Variants in DNAJC2 observed in about 807,000 individuals in gnomAD.
The protein encoded by DNAJC2 is dnaJ homolog subfamily C member 2.
A neutral mutation model predicts 94.0 loss-of-function variants in DNAJC2; 32 were observed. The ratio of observed to expected loss-of-function variants is 0.34; its 90% CI spans 0.26 to 0.46. The LOEUF (loss-of-function observed/expected upper bound fraction) is 0.46. Among genes scored for constraint, DNAJC2 ranks in the 20% least tolerant of loss-of-function variants. The pLI, the probability that DNAJC2 is intolerant of heterozygous loss-of-function variation, is 1.00. For missense variants in DNAJC2, 550 were observed against 719.5 expected (o/e 0.76, Z 2.69); for synonymous variants, 210 against 229.7 (o/e 0.91, Z 0.77).
chr7:103,317,102 A>G (rs1041845578), intron 12 of DNAJC2, 88 bp from the exon 13 acceptor site: 6 of 1,145,858 alleles, frequency 5.2e-6, no homozygotes, highest in Non-Finnish European at 6.2e-6. Flanking sequence ...GTGGTCCTCA[A>G]CTCTCAATGT....
intron 4 of DNAJC2, chr7:103,327,275 A>G: frequency 1.0e-6 from 1 of 973,392 alleles, no homozygotes; most frequent in Non-Finnish European, 1.4e-6. Context: ...CCCATAAAGC[A>G]TCTGAAACGA....
Position 103,315,860 on chromosome 7 carries a change from T to G in DNAJC2, c.1540A>C (p.Lys514Gln). Residue 514 changes from lysine to glutamine, a missense_variant, in exon 15 of 17, where the codon AAA becomes CAA. Lys to Gln is a moderately conservative substitution (Grantham distance 53). Transcript: ENST00000379263. ...KSLQKLDPHQKDDINKKAFDK... is the reference protein window; with the variant it reads ...KSLQKLDPHQQDDINKKAFDK... ...AATGCCTTTTTATTTATGTCATCTT[T>G]TTGATGAGGGTCTGAGAAATGAAAA... is the stretch of plus-strand genomic sequence containing the variant. 1 of 1,611,970 alleles carries G rather than the reference T, an allele frequency of 6.2e-7. No individual in the cohort carries two copies. Among genetic ancestry groups the G allele is most frequent in the South Asian group, 1.1e-5 (1 of 90,938 alleles).
At chr7:103,332,084 A>G (rs1254047961) in intron 3 of DNAJC2, among the ~76,000 whole-genome samples, 1 of 150,422 alleles carries the variant, frequency 6.6e-6, no homozygotes, top group African/African-American at 2.4e-5. Context: ...GGCTCACTGC[A>G]TGCTCTGCCT....
intron 15 of DNAJC2, chr7:103,314,163 T>C: frequency 3.0e-6 from 3 of 985,446 alleles, no homozygotes; most frequent in Non-Finnish European, 3.6e-6. Context: ...TTTGTTGAAT[T>C]TCCTTGTATT....
chr7:103,323,784 G>A, intron 6 of DNAJC2, 121 bp from the exon 7 acceptor site: 1 of 747,316 alleles, frequency 1.3e-6, no homozygotes, highest in Non-Finnish European at 1.9e-6. Flanking sequence ...ATTGAACTAA[G>A]GTCAAGTCTT....
chr7:103,320,661 G>A (rs542087643), intron 10 of DNAJC2, among the ~76,000 whole-genome samples: 18 of 150,828 alleles, frequency 1.2e-4, no homozygotes, highest in African/African-American at 4.4e-4. Context: ...GGAGCATGGC[G>A]TGAACCCAGG....
At position 103,326,669 on chromosome 7, in the gene DNAJC2, G is replaced by A. The variant is rs1447668898; in HGVS notation, c.446C>T (p.Ser149Phe). 6.2e-7 allele frequency: 1 copy of A among 1,607,020 alleles called. No individual in the cohort carries two copies. Among genetic ancestry groups the A allele is most frequent in the Non-Finnish European group, 8.5e-7 (1 of 1,177,874 alleles). ...TCITKAYEMLSDPVKRRAFNS... is the reference protein window; with the variant it reads ...TCITKAYEMLFDPVKRRAFNS... ...AAATGCTCGTCTTTTCACTGGATCA[G>A]ATAACATTTCATAAGCTGAGAAAAA... is the stretch of plus-strand genomic sequence containing the variant. Residue 149 changes from serine to phenylalanine, a missense_variant, in exon 5 of 17, where the codon TCT becomes TTT. Physicochemically the swap from Ser to Phe is radical, Grantham distance 155. This residue lies in a region of DNAJC2 where 279 missense variants were observed against 416.9 expected (regional missense o/e 0.67). Transcript: ENST00000379263.
At chr7:103,320,909 T>A (rs1449696221) in intron 10 of DNAJC2, 2 of 161,382 alleles carry the variant, frequency 1.2e-5, no homozygotes, top group Non-Finnish European at 2.7e-5. Flanking sequence ...GAAATACATT[T>A]ATGCTTGGCC....
chr7:103,332,637 G>A lies in DNAJC2; in HGVS notation c.332-4883C>T, dbSNP rs574406691. 4.7e-5 allele frequency among the ~76,000 whole-genome samples: 7 copies of A among 150,006 alleles called. No homozygotes were observed. The East Asian group carries it at 7.8e-4, about 17-fold the overall frequency. ...ATGTTTTTCATCCTTTTTTTTTTGC[G>A]GGGGAGGGGATGGGGACAGGGTCTT... On this transcript the variant is annotated intron_variant, in intron 3 of 16. Coordinates refer to ENST00000379263, the MANE Select transcript of DNAJC2 (RefSeq NM_014377.3).
chr7:103,320,138 G>C (rs1818301718), intron 10 of DNAJC2, among the ~76,000 whole-genome samples: 1 of 152,072 alleles, frequency 6.6e-6, no homozygotes, highest in Admixed American at 6.5e-5. Flanking sequence ...GCCCAGGCTG[G>C]AGTCCAGTGG....
intron 4 of DNAJC2, 82 bp downstream of exon 4, chr7:103,327,574 A>G: frequency 5.7e-6 from 5 of 871,168 alleles, no homozygotes; most frequent in South Asian, 3.2e-5. Flanking sequence ...AATGAACTAC[A>G]GTATGCATAA....
chr7:103,334,286 G>T (rs1481078416), intron 3 of DNAJC2, among the ~76,000 whole-genome samples: 2 of 151,532 alleles, frequency 1.3e-5, no homozygotes, highest in African/African-American at 4.8e-5. Context: ...TTTTGGCTGG[G>T]CACGGTGGCT....
intron 3 of DNAJC2, among the ~76,000 whole-genome samples, chr7:103,334,153 G>A (rs972507645): frequency 5.3e-5 from 8 of 151,796 alleles, no homozygotes; most frequent in East Asian, 2.0e-4. Context: ...GGGTTTCACC[G>A]TGTTAGCCAG....
chr7:103,315,733 C>G (rs1433987562), intron 15 of DNAJC2, 31 bp downstream of exon 15: 1 of 1,447,956 alleles, frequency 6.9e-7, no homozygotes, highest in Non-Finnish European at 9.7e-7. Context: ...ACATGGCTAG[C>G]ATTTTCTACG....
intron 1 of DNAJC2, 24 bp downstream of exon 1, chr7:103,344,535 A>C (rs763214088): frequency 2.5e-6 from 4 of 1,613,634 alleles, no homozygotes; most frequent in East Asian, 2.2e-5. Flanking sequence ...GGTGAGAAGG[A>C]ACCGAGGTTG....
Position 103,344,644 on chromosome 7 carries a change from G to C in DNAJC2, c.-22C>G. ...GCATGATGGCGCCGGGTCTAGCCCGGTGGGCGCAGCGGCTCACGTCCCGGG... is the reference window on the plus strand; with the variant it reads ...GCATGATGGCGCCGGGTCTAGCCCGCTGGGCGCAGCGGCTCACGTCCCGGG... On this transcript the variant is annotated 5_prime_UTR_variant, in exon 1 of 17. Coordinates refer to ENST00000379263, the MANE Select transcript of DNAJC2 (RefSeq NM_014377.3). 1 of 1,605,390 alleles carries C rather than the reference G, an allele frequency of 6.2e-7. No individual in the cohort carries two copies. Among genetic ancestry groups the C allele is most frequent in the South Asian group, 1.1e-5 (1 of 90,962 alleles).
In DNAJC2 at chr7:103,337,751, G is replaced by T. The variant is rs1396639043; in HGVS notation, c.316C>A (p.Gln106Lys). ...GHVRYKATQR[Q>K]IKAAHKAMVL... ...AAGTACTTACGAGCTGCTTTGATCT[G>T]TCTCTGTGTAGCCTTGTATCTCACA... Residue 106 changes from glutamine (Q) to lysine (K), a missense_variant, in exon 3 of 17, where the codon CAG (glutamine) becomes AAG (lysine). Gln to Lys is a moderately conservative substitution (Grantham distance 53). Transcript: ENST00000379263. 6.2e-7 allele frequency: 1 copy of T among 1,613,376 alleles called. No homozygotes were observed. Among genetic ancestry groups the T allele is most frequent in the Non-Finnish European group, 8.5e-7 (1 of 1,179,708 alleles).
intron 3 of DNAJC2, among the ~76,000 whole-genome samples, chr7:103,332,996 A>T (rs1250410890): frequency 1.3e-5 from 2 of 152,096 alleles, no homozygotes; most frequent in African/African-American, 4.8e-5. Context: ...CGGGATTTCA[A>T]ATTTTTTTAG....
rs1817833036 is a variant in DNAJC2 at position 103,312,894 on chromosome 7, C to T, written c.1791+53G>A. The T allele has an allele frequency of 1.9e-6, 3 of 1,572,902 alleles. No individual in the cohort carries two copies. In the African/African-American group the frequency reaches 4.1e-5, roughly 22 times the overall value. On this transcript the variant is annotated intron_variant, in intron 16 of 16. Transcript: ENST00000379263. ...AATAGACATAAAATATGAGCTATAT[C>T]ACCCAAGCTACAATTTAAAATACAA... is the stretch of plus-strand genomic sequence containing the variant.
Sources: allele counts gnomAD v4.1 joint callset (sites outside exome capture counted in the v4.1 genomes callset), GRCh38; gene constraint gnomAD v4.1.1; regional missense constraint gnomAD v4.1.1; transcripts MANE v1.5; gene names NCBI Gene and HGNC (gene_info 2026-07-23, HGNC 2026-07-21).